FRMPD4: variants seen among roughly 807,000 people sequenced by gnomAD.
FRMPD4 encodes FERM and PDZ domain containing 4, also known as FERM and PDZ domain-containing protein 4.
A neutral mutation model predicts 94.1 loss-of-function variants in FRMPD4; 22 were observed. The ratio of observed to expected loss-of-function variants is 0.23; its 90% CI spans 0.17 to 0.33. The LOEUF (loss-of-function observed/expected upper bound fraction) is 0.33, where lower values mean the gene tolerates loss of function less well. Ranked by LOEUF, FRMPD4 falls within the 10% of genes least tolerant of loss-of-function variation. The pLI is 1.00. For synonymous variants in FRMPD4, 631 were observed against 548.6 expected (o/e 1.15, Z -2.10); for missense variants, 1,111 against 1,339.9 (o/e 0.83, Z 2.67).
chrX:11,945,555 C>T (rs1026189625), intron 3 of FRMPD4, among the ~76,000 whole-genome samples: 7 of 111,724 alleles, frequency 6.3e-5, no homozygotes, highest in Non-Finnish European at 1.3e-4. Context: ...GTTTATTTGG[C>T]TCACAGTTTT....
intron 3 of FRMPD4, among the ~76,000 whole-genome samples, chrX:12,002,918 T>TA (rs1375524172): frequency 1.8e-5 from 2 of 111,269 alleles, no homozygotes; most frequent in Non-Finnish European, 3.8e-5. Flanking sequence ...GTAATCCCAC[T>TA]AACAGAGGAG....
chrX:11,887,508 C>G (rs935188899), intron 3 of FRMPD4, among the ~76,000 whole-genome samples: 6 of 112,337 alleles, frequency 5.3e-5, no homozygotes, highest in Non-Finnish European at 9.4e-5. Context: ...GCAGACAGCA[C>G]CTTCTTTGCT....
chrX:12,280,535 G>T (rs150658336), intron 1 of FRMPD4, among the ~76,000 whole-genome samples: 1,670 of 110,719 alleles, frequency 0.015, 41 homozygotes, highest in African/African-American at 0.052. Context: ...AATGAACAGG[G>T]TTAATCCACA....
intron 7 of FRMPD4, 32 bp from the exon 8 acceptor site, chrX:12,690,163 T>C: frequency 8.6e-7 from 1 of 1,166,286 alleles, no homozygotes; most frequent in Non-Finnish European, 1.2e-6. Context: ...GCTTCGATTT[T>C]GGTCTCATCA....
At chrX:11,847,942 T>G in intron 1 of FRMPD4, among the ~76,000 whole-genome samples, 1 of 99,065 alleles carries the variant, frequency 1.0e-5, no homozygotes, top group African/African-American at 3.8e-5. Flanking sequence ...AAATGACGAG[T>G]TAATGGGTGC....
chrX:12,050,254 A>G (rs781717630), intron 3 of FRMPD4, among the ~76,000 whole-genome samples: 26 of 111,484 alleles, frequency 2.3e-4, no homozygotes, highest in Admixed American at 6.7e-4. Context: ...TAAGTGCTCT[A>G]TATAGATATA....
intron 1 of FRMPD4, among the ~76,000 whole-genome samples, chrX:12,342,694 T>C: frequency 8.9e-6 from 1 of 112,332 alleles, no homozygotes. Context: ...GTGTATGACA[T>C]AATGTGGTTA....
chrX:12,125,794 G>T (rs2055495234), intron 3 of FRMPD4, among the ~76,000 whole-genome samples: 1 of 112,228 alleles, frequency 8.9e-6, no homozygotes, highest in Non-Finnish European at 1.9e-5. Flanking sequence ...AAACGCAAAA[G>T]CTCCCTTCTC....
At chrX:12,218,922 T>A (rs1394912105) in intron 1 of FRMPD4, among the ~76,000 whole-genome samples, 1 of 112,556 alleles carries the variant, frequency 8.9e-6, no homozygotes, top group Non-Finnish European at 1.9e-5. Flanking sequence ...GTAAAATGTT[T>A]TGAAACCATA....
intron 3 of FRMPD4, among the ~76,000 whole-genome samples, chrX:12,029,484 A>G (rs2054679491): frequency 8.9e-6 from 1 of 111,907 alleles, no homozygotes; most frequent in African/African-American, 3.2e-5. Flanking sequence ...AGTCCAGCTT[A>G]TCAGTTCTTT....
At chrX:12,544,904 A>C (rs1233095177) in intron 2 of FRMPD4, among the ~76,000 whole-genome samples, 2 of 112,158 alleles carry the variant, frequency 1.8e-5, no homozygotes, top group African/African-American at 6.5e-5. Context: ...TGCAAACCCC[A>C]CGTAAGTTAA....
At chrX:12,084,772 A>T (rs901849176) in intron 3 of FRMPD4, among the ~76,000 whole-genome samples, 11 of 112,329 alleles carry the variant, frequency 9.8e-5, no homozygotes, top group African/African-American at 3.6e-4. Context: ...CTTTGGAAAG[A>T]CCAATTACTT....
At chrX:12,473,394 G>A (rs1372727881) in intron 1 of FRMPD4, among the ~76,000 whole-genome samples, 6 of 109,211 alleles carry the variant, frequency 5.5e-5, no homozygotes, top group East Asian at 2.8e-4. Context: ...GGCTAGGAAG[G>A]AACTGCATCA....
intron 3 of FRMPD4, among the ~76,000 whole-genome samples, chrX:11,925,274 A>T (rs1417510070): frequency 9.0e-6 from 1 of 111,338 alleles, no homozygotes; most frequent in African/African-American, 3.3e-5. Flanking sequence ...GTTTGTAGAG[A>T]CCTTCAAAGA....
chrX:12,717,445 T>C, intron 15 of FRMPD4, 56 bp from the exon 16 acceptor site: 1 of 796,222 alleles, frequency 1.3e-6, no homozygotes, highest in Non-Finnish European at 1.9e-6. Flanking sequence ...TTCTTACATG[T>C]CTCCAAGTGC....
chrX:12,523,701 A>C (rs5978542), intron 2 of FRMPD4, among the ~76,000 whole-genome samples: 42,505 of 110,571 alleles, frequency 0.38, 6,323 homozygotes, highest in African/African-American at 0.54. Flanking sequence ...GACAAAATTA[A>C]AACAAAGTTA....
At chrX:12,517,604 G>A (rs909942803) in intron 2 of FRMPD4, among the ~76,000 whole-genome samples, 1 of 112,429 alleles carries the variant, frequency 8.9e-6, no homozygotes, top group African/African-American at 3.2e-5. Flanking sequence ...TCCCAGAGGG[G>A]CACCAACATG....
intron 1 of FRMPD4, among the ~76,000 whole-genome samples, chrX:12,487,918 A>T (rs184854884): frequency 4.1e-4 from 46 of 112,277 alleles, no homozygotes; most frequent in Middle Eastern, 4.6e-3. Context: ...GCCACCAGAA[A>T]TCTTCCTAGA....
chrX:12,317,662 A>G (rs1454744282), intron 1 of FRMPD4, among the ~76,000 whole-genome samples: 1 of 110,852 alleles, frequency 9.0e-6, no homozygotes, highest in Non-Finnish European at 1.9e-5. Flanking sequence ...CTGAATAGAC[A>G]TTTCTCAAAA....
Sources: gnomAD v4.1 joint callset for allele counts (sites outside exome capture counted in the v4.1 genomes callset) on GRCh38, gnomAD v4.1.1 for gene constraint, MANE v1.5 for transcripts, NCBI Gene and HGNC (gene_info 2026-07-23, HGNC 2026-07-21) for gene names.